GRIK4: variants seen among roughly 807,000 people sequenced by gnomAD.
GRIK4 encodes glutamate receptor ionotropic, kainate 4.
A neutral mutation model predicts 104.9 loss-of-function variants in GRIK4; 40 were observed. The ratio of observed to expected loss-of-function variants is 0.38; its 90% CI spans 0.30 to 0.50. The LOEUF is 0.50. GRIK4 is among the 20% of genes least tolerant of loss of function. GRIK4 has a pLI of 0.93. For missense variants in GRIK4, 1,047 were observed against 1,308.1 expected (o/e 0.80, Z 3.08); for synonymous variants, 485 against 524.9 (o/e 0.92, Z 1.04).
intron 3 of GRIK4, among the ~76,000 whole-genome samples, chr11:120,661,273 G>C (rs1316018762): frequency 1.3e-5 from 2 of 152,170 alleles, no homozygotes; most frequent in African/African-American, 4.8e-5. Context: ...TGGACAGGTG[G>C]GTGGGGCACA....
intron 3 of GRIK4, among the ~76,000 whole-genome samples, chr11:120,716,200 G>T (rs1950829535): frequency 8.3e-6 from 1 of 120,104 alleles, no homozygotes; most frequent in Non-Finnish European, 1.6e-5. Flanking sequence ...TCCAGACCTG[G>T]ATTTCTGTAG....
intron 1 of GRIK4, among the ~76,000 whole-genome samples, chr11:120,543,249 C>T (rs1211800133): frequency 6.6e-6 from 1 of 152,046 alleles, no homozygotes; most frequent in Admixed American, 6.6e-5. Flanking sequence ...CACATGTACC[C>T]CTGAACCTAA....
intron 9 of GRIK4, among the ~76,000 whole-genome samples, chr11:120,866,150 G>A (rs899157503): frequency 5.3e-5 from 8 of 152,192 alleles, no homozygotes; most frequent in African/African-American, 1.9e-4. Context: ...CCATGGCAGA[G>A]TGGGATGAAG....
chr11:120,785,715 T>G (rs1952254316), intron 3 of GRIK4, among the ~76,000 whole-genome samples: 1 of 152,172 alleles, frequency 6.6e-6, no homozygotes, highest in Non-Finnish European at 1.5e-5. Flanking sequence ...CTCCTGCACT[T>G]GGGGTGTTTC....
At chr11:120,589,178 C>T (rs994204883) in intron 1 of GRIK4, among the ~76,000 whole-genome samples, 2 of 152,174 alleles carry the variant, frequency 1.3e-5, no homozygotes, top group Admixed American at 6.5e-5. Flanking sequence ...GGCTAAACAA[C>T]TTGTAATAGG....
intron 1 of GRIK4, among the ~76,000 whole-genome samples, chr11:120,583,517 GATT>G (rs746271979): frequency 9.2e-5 from 14 of 152,078 alleles, no homozygotes; most frequent in Non-Finnish European, 1.6e-4. Flanking sequence ...ATCTTGAGTT[GATT>G]TTTGTATTTG....
intron 1 of GRIK4, among the ~76,000 whole-genome samples, chr11:120,552,523 C>T (rs190658541): frequency 9.2e-5 from 14 of 152,236 alleles, no homozygotes; most frequent in Admixed American, 7.8e-4. Flanking sequence ...AACTTTACTG[C>T]GTCTGTAGGG....
chr11:120,562,705 G>A (rs1948254739), intron 1 of GRIK4, among the ~76,000 whole-genome samples: 1 of 152,200 alleles, frequency 6.6e-6, no homozygotes, highest in Non-Finnish European at 1.5e-5. Context: ...GCCAGGAAAT[G>A]GCTGGGGAGA....
At chr11:120,781,887 C>T (rs1335757860) in intron 3 of GRIK4, among the ~76,000 whole-genome samples, 8 of 152,168 alleles carry the variant, frequency 5.3e-5, no homozygotes, top group Non-Finnish European at 1.2e-4. Flanking sequence ...TCCCTGCTCC[C>T]TGTGCCTCCC....
chr11:120,760,611 G>A (rs1030391045), intron 3 of GRIK4, among the ~76,000 whole-genome samples: 1 of 151,738 alleles, frequency 6.6e-6, no homozygotes, highest in Non-Finnish European at 1.5e-5. Context: ...CCCAACCCCC[G>A]ACAGGCCCTA....
At chr11:120,909,873 G>A (rs1565432991) in intron 13 of GRIK4, among the ~76,000 whole-genome samples, 1 of 152,210 alleles carries the variant, frequency 6.6e-6, no homozygotes, top group Non-Finnish European at 1.5e-5. Context: ...AACAGTGGGT[G>A]CTGTGGTTTG....
intron 1 of GRIK4, among the ~76,000 whole-genome samples, chr11:120,612,769 G>A (rs1449390077): frequency 2.6e-5 from 4 of 152,214 alleles, no homozygotes; most frequent in Middle Eastern, 3.2e-3. Context: ...ATGGGAACTG[G>A]CTTTGGGGCT....
chr11:120,907,644 C>T lies in GRIK4; in HGVS notation c.1476+2151C>T, dbSNP rs77489168. Among the ~76,000 whole-genome samples the T allele has an allele frequency of 3.8e-3, 580 of 152,178 alleles. 2 individuals carry two copies. The highest frequency in any genetic ancestry group is 0.013 in the African/African-American group (545 of 41,514). The stretch of plus-strand genomic sequence containing the variant: ...AGATCTTCTGGACTAGTGAGTGAGA[C>T]GGAGATCAATGAATGATCGCATTCT... On this transcript the variant is annotated intron_variant, in intron 13 of 20. Coordinates refer to ENST00000527524, the MANE Select transcript of GRIK4 (RefSeq NM_014619.5).
At chr11:120,588,544 G>A (rs1948697353) in intron 1 of GRIK4, among the ~76,000 whole-genome samples, 1 of 152,190 alleles carries the variant, frequency 6.6e-6, no homozygotes, top group African/African-American at 2.4e-5. Context: ...AAGCCTGACA[G>A]CAGAAGTGGG....
chr11:120,802,803 G>A lies in GRIK4; in HGVS notation c.193G>A (p.Glu65Lys), dbSNP rs1297923436. Residue 65 changes from glutamate to lysine, a missense_variant, in exon 4 of 21, where the codon GAA becomes AAA. Glu to Lys is a moderately conservative substitution (Grantham distance 56). Coordinates refer to ENST00000527524, the MANE Select transcript of GRIK4 (RefSeq NM_014619.5). The part of the protein sequence containing the change: ...APERLGKAKV[E>K]VDIFELLRDS... ...TGAGAGGCTGGGCAAGGCCAAGGTC[G>A]AAGTGGACATCTTTGAGCTTCTCAG... 6 of 1,614,184 alleles carry A rather than the reference G, an allele frequency of 3.7e-6. No individual in the cohort carries two copies. In the South Asian group the frequency reaches 4.4e-5, roughly 12 times the overall value.
chr11:120,524,801 G>A lies in GRIK4; in HGVS notation c.-159+12914G>A, dbSNP rs111584534. ...ATCCTGGGGGCATTTATCATCACGC[G>A]GAGCTAGTTACGTGGCAGGGCACTG... On this transcript the variant is annotated intron_variant, in intron 1 of 20. Coordinates refer to ENST00000527524, the MANE Select transcript of GRIK4 (RefSeq NM_014619.5). This position sits in a 1 kb window ranked among gnomAD's most constrained non-coding sequence, Gnocchi z 4.5. Among the ~76,000 whole-genome samples the A allele has an allele frequency of 0.03, 4,545 of 152,256 alleles. 213 individuals carry two copies. The highest frequency in any genetic ancestry group is 0.1 in the African/African-American group (4,205 of 41,512).
chr11:120,792,649 G>C (rs1022117290), intron 3 of GRIK4, among the ~76,000 whole-genome samples: 14 of 152,158 alleles, frequency 9.2e-5, no homozygotes, highest in Admixed American at 5.2e-4. Context: ...TTGGAGACTG[G>C]TTATTGGAAG....
chr11:120,579,225 A>ACC lies in GRIK4; in HGVS notation c.-159+67347_-159+67348dup, dbSNP rs34079806. Among the ~76,000 whole-genome samples, 1,151 of 142,504 alleles carry ACC rather than the reference A, an allele frequency of 8.1e-3. 7 individuals carry two copies. Among genetic ancestry groups the ACC allele is most frequent in the South Asian group, 0.022 (96 of 4,406 alleles). 93.5% of individuals were successfully genotyped at this position (142,504 alleles called of 152,430 possible). ...GGAAGTGACAGCACACGACAAAATA[A>ACC]CCCCCCCCCCTTTTTTTGGATGGAT... On this transcript the variant is annotated intron_variant, in intron 1 of 20. Coordinates refer to ENST00000527524, the MANE Select transcript of GRIK4 (RefSeq NM_014619.5).
At chr11:120,655,103 T>C (rs1342175395) in intron 2 of GRIK4, among the ~76,000 whole-genome samples, 2 of 152,108 alleles carry the variant, frequency 1.3e-5, no homozygotes, top group Non-Finnish European at 2.9e-5. Context: ...GCACCTACTA[T>C]GTGCCAGATA....
Sources: gnomAD v4.1 joint callset for allele counts (sites outside exome capture counted in the v4.1 genomes callset) on GRCh38, gnomAD v4.1.1 for gene constraint, Gnocchi (gnomAD v3.1) non-coding constraint, MANE v1.5 for transcripts, NCBI Gene and HGNC (gene_info 2026-07-23, HGNC 2026-07-21) for gene names.